The following MALRD1 variants were observed in gnomAD, a reference collection of about 807,000 sequenced individuals.
MALRD1 encodes the protein MAM and LDL-receptor class A domain-containing protein 1.
In MALRD1, 247 loss-of-function variants were observed where a neutral mutation model predicts 242.1. The observed-to-expected ratio is 1.02, with a 90% CI of 0.92 to 1.13. MALRD1 has a LOEUF of 1.13. Ranked by LOEUF, MALRD1 falls within the 50% of genes most tolerant of loss-of-function variation. The probability of loss-of-function intolerance (pLI) is 0.00; values close to 1 mark genes in which losing one functional copy is unlikely to be tolerated. For synonymous variants in MALRD1, 995 were observed against 866.6 expected, an observed-to-expected ratio of 1.15 and a Z score of -2.60; for missense variants, 2,989 against 2,533.1, an observed-to-expected ratio of 1.18 and a Z score of -3.86.
chr10:19,416,538 GA>G (rs946162635), intron 28 of MALRD1, among the ~76,000 whole-genome samples: 70 of 143,594 alleles, frequency 4.9e-4, no homozygotes, highest in African/African-American at 1.1e-3. Flanking sequence ...TTGCCAGGTG[GA>G]AAAAAAAAAA....
intron 11 of MALRD1, among the ~76,000 whole-genome samples, chr10:19,153,739 G>A (rs758074495): frequency 6.6e-6 from 1 of 151,404 alleles, no homozygotes; most frequent in Non-Finnish European, 1.5e-5. Flanking sequence ...ATGTGGGACC[G>A]TACATATCTC....
At chr10:19,637,455 G>A (rs769442927) in intron 36 of MALRD1, among the ~76,000 whole-genome samples, 2 of 152,190 alleles carry the variant, frequency 1.3e-5, no homozygotes, top group Non-Finnish European at 2.9e-5. Context: ...ACCAGGTAAA[G>A]TGACTTAGTC....
intron 28 of MALRD1, among the ~76,000 whole-genome samples, chr10:19,395,228 T>C (rs1378941121): frequency 6.6e-6 from 1 of 152,186 alleles, no homozygotes; most frequent in Non-Finnish European, 1.5e-5. Flanking sequence ...GAAGTTTATT[T>C]TCCCAGAGTT....
chr10:19,190,559 G>A (rs1315336761), intron 14 of MALRD1, among the ~76,000 whole-genome samples: 2 of 151,748 alleles, frequency 1.3e-5, no homozygotes, highest in Non-Finnish European at 2.9e-5. Flanking sequence ...CAAAACTACA[G>A]TAAACAAAAC....
chr10:19,247,310 AT>A (rs748854380), intron 18 of MALRD1, among the ~76,000 whole-genome samples: 109 of 152,282 alleles, frequency 7.2e-4, no homozygotes, highest in Non-Finnish European at 1.3e-3. Context: ...TTCATTAAAA[AT>A]ATTCTCAACA....
intron 28 of MALRD1, among the ~76,000 whole-genome samples, chr10:19,441,435 T>C (rs1834643163): frequency 6.6e-6 from 1 of 152,216 alleles, no homozygotes; most frequent in African/African-American, 2.4e-5. Flanking sequence ...TCCTGAATGG[T>C]ATTGCCTAGG....
rs375550354 is a variant in MALRD1 at position 19,483,101 on chromosome 10, A to C, written c.5030-8416A>C. On this transcript the variant is annotated intron_variant, in intron 29 of 39. Coordinates refer to ENST00000454679, the MANE Select transcript of MALRD1 (RefSeq NM_001142308.3). ...GTACTGGTACAAAAAATAGACACAT[A>C]GACCAATGGAACAGAACCCAAAAAT... Among the ~76,000 whole-genome samples the C allele has an allele frequency of 9.2e-5, 14 of 152,142 alleles. No individual in the cohort carries two copies. The East Asian group carries it at 1.2e-3, about 13-fold the overall frequency.
Position 19,373,278 on chromosome 10 carries a change from G to A in MALRD1, c.4442-14250G>A, listed in dbSNP as rs542452031. Reference sequence around the variant, plus strand: ...ATCCCAGCACTTTGGGAGGGCGGACGGATCACGAGGTCAGGAGTTCAAGAC... The same window carrying A: ...ATCCCAGCACTTTGGGAGGGCGGACAGATCACGAGGTCAGGAGTTCAAGAC... On this transcript the variant is annotated intron_variant, in intron 26 of 39. Transcript: ENST00000454679. Among the ~76,000 whole-genome samples the A allele has an allele frequency of 1.1e-4, 15 of 131,992 alleles. No homozygotes were observed. In the East Asian group the frequency reaches 3.1e-3, roughly 27 times the overall value. 86.6% of individuals were successfully genotyped at this position (131,992 alleles called of 152,430 possible). A position where few individuals can be genotyped will look rare whatever the true frequency, so the allele number is the denominator to read the frequency against.
At chr10:19,558,781 T>C (rs1369470678) in intron 32 of MALRD1, among the ~76,000 whole-genome samples, 2 of 152,174 alleles carry the variant, frequency 1.3e-5, no homozygotes, top group South Asian at 4.1e-4. Flanking sequence ...TTAATAGATA[T>C]AGGTGTAGTC....
At chr10:19,051,372 T>G (rs764928214) in intron 1 of MALRD1, 7 of 152,220 alleles carry the variant, frequency 4.6e-5, no homozygotes, top group African/African-American at 1.2e-4. Flanking sequence ...CTGAATAAAA[T>G]TGACATAGCT....
At position 19,307,829 on chromosome 10, in the gene MALRD1, T is replaced by A. The variant is rs544025433; in HGVS notation, c.3420-16120T>A. Among the ~76,000 whole-genome samples, 177 of 151,722 alleles carry A rather than the reference T, an allele frequency of 1.2e-3. 3 individuals are homozygous for A. In the South Asian group the frequency reaches 0.034, roughly 29 times the overall value. ...TCTTGAATATTTAATTAAATTTAAT[T>A]TTTAATTGACAAATAATAATTGCAC... On this transcript the variant is annotated intron_variant, in intron 21 of 39. Coordinates refer to ENST00000454679, the MANE Select transcript of MALRD1 (RefSeq NM_001142308.3).
intron 18 of MALRD1, among the ~76,000 whole-genome samples, chr10:19,234,016 T>G (rs1463061534): frequency 2.6e-5 from 4 of 152,076 alleles, no homozygotes; most frequent in Non-Finnish European, 5.9e-5. Flanking sequence ...GCAAATGTAA[T>G]TTCCCAGCTT....
At position 19,690,305 on chromosome 10, in the gene MALRD1, G is replaced by T. The variant is rs369778508; in HGVS notation, c.6138-1977G>T. ...CGATAGGATGATATTACTTTAATTTGTTCTATAGCATAACTGCTCTGTGGA... is the reference window on the plus strand; with the variant it reads ...CGATAGGATGATATTACTTTAATTTTTTCTATAGCATAACTGCTCTGTGGA... On this transcript the variant is annotated intron_variant, in intron 36 of 39. Transcript: ENST00000454679. Among the ~76,000 whole-genome samples, 30 of 152,010 alleles carry T rather than the reference G, an allele frequency of 2.0e-4. 1 individual carries two copies. Among genetic ancestry groups the T allele is most frequent in the African/African-American group, 6.7e-4 (28 of 41,488 alleles).
At position 19,698,756 on chromosome 10, in the gene MALRD1, G is replaced by A. The variant is rs145801122; in HGVS notation, c.6314+6202G>A. Among the ~76,000 whole-genome samples, 541 of 152,260 alleles carry A rather than the reference G, an allele frequency of 3.6e-3. 5 individuals carry two copies. Among genetic ancestry groups the A allele is most frequent in the Non-Finnish European group, 3.3e-3 (225 of 68,022 alleles). ...TAGAGAGTAAAGAAAACGTTGCTAG[G>A]AGTGTAAAGACAATTTTTGGCTTAA... On this transcript the variant is annotated intron_variant, in intron 38 of 39. Transcript: ENST00000454679.
rs568624737 is a variant in MALRD1 at position 19,347,116 on chromosome 10, A to G, written c.3902-655A>G. ...CTTTATAATTTACTTGCCGCACGAT[A>G]AAAAGATGCCTGTGTAATTACTACT... On this transcript the variant is annotated intron_variant, in intron 24 of 39. Coordinates refer to ENST00000454679, the MANE Select transcript of MALRD1 (RefSeq NM_001142308.3). 2.6e-5 allele frequency among the ~76,000 whole-genome samples: 4 copies of G among 152,326 alleles called. No individual in the cohort carries two copies. In the South Asian group the frequency reaches 8.3e-4, roughly 32 times the overall value.
chr10:19,606,079 A>G (rs1034707791), intron 34 of MALRD1, among the ~76,000 whole-genome samples: 2 of 152,116 alleles, frequency 1.3e-5, no homozygotes, highest in Non-Finnish European at 2.9e-5. Context: ...ACTTTAAAAT[A>G]TATTTTAATG....
intron 36 of MALRD1, among the ~76,000 whole-genome samples, chr10:19,640,740 C>G (rs2131677166): frequency 6.6e-6 from 1 of 152,218 alleles, no homozygotes; most frequent in African/African-American, 2.4e-5. Context: ...ATTTTTTGAA[C>G]TTATCTAGTT....
At chr10:19,695,574 C>T (rs998179433) in intron 38 of MALRD1, among the ~76,000 whole-genome samples, 2 of 146,750 alleles carry the variant, frequency 1.4e-5, no homozygotes, top group African/African-American at 5.1e-5. Flanking sequence ...GGCTGGAGTG[C>T]AGTGGCACAA....
chr10:19,334,027 T>C (rs7083912), intron 24 of MALRD1, among the ~76,000 whole-genome samples: 83,351 of 151,560 alleles, frequency 0.55, 23,115 homozygotes, highest in Middle Eastern at 0.58. Flanking sequence ...AAATTCTTTA[T>C]GGATTCAGGA....
Sources: allele counts gnomAD v4.1 joint callset (sites outside exome capture counted in the v4.1 genomes callset), GRCh38; gene constraint gnomAD v4.1.1; transcripts MANE v1.5; gene names NCBI Gene and HGNC (gene_info 2026-07-23, HGNC 2026-07-21).